The following CD80 variants were observed in gnomAD, a reference collection of about 807,000 sequenced individuals.
The protein encoded by CD80 is CD80 molecule, also known as T-lymphocyte activation antigen CD80.
In CD80, 13 loss-of-function variants were observed where a neutral mutation model predicts 27.1. The ratio of observed to expected loss-of-function variants is 0.48; its 90% confidence interval spans 0.31 to 0.76. The LOEUF is 0.76. CD80 is among the 30% of genes least tolerant of loss of function. CD80 has a pLI of 0.04. For synonymous variants in CD80, 125 were observed against 125.5 expected, an observed-to-expected ratio of 1.00 and a Z score of 0.03; for missense variants, 277 against 347.9, an observed-to-expected ratio of 0.80 and a Z score of 1.62.
In CD80 at chr3:119,527,782, G is replaced by A. The variant is rs145279608; in HGVS notation, c.856C>T (p.Arg286Cys). ...RNERLRRESVRPV is the reference protein window; with the variant it reads ...RNERLRRESVCPV Reference sequence around the variant, plus strand: ...TTCTGCGGACACTGTTATACAGGGCGTACACTTTCCCTTCTCAATCTCTCA... The same window carrying A: ...TTCTGCGGACACTGTTATACAGGGCATACACTTTCCCTTCTCAATCTCTCA... The change falls in exon 6 of 7, where the codon CGC (arginine) becomes TGC (cysteine). Residue 286 changes from arginine to cysteine, a missense_variant. Coordinates refer to ENST00000264246, the MANE Select transcript of CD80 (RefSeq NM_005191.4). 1.2e-5 allele frequency: 20 copies of A among 1,613,484 alleles called. No individual in the cohort carries two copies. The highest frequency in any genetic ancestry group is 2.2e-5 in the East Asian group (1 of 44,884).
chr3:119,553,655 A>T (rs1436841356), intron 2 of CD80, among the ~76,000 whole-genome samples: 1 of 152,216 alleles, frequency 6.6e-6, no homozygotes, highest in African/African-American at 2.4e-5. Context: ...TGGGAGCTGC[A>T]TCACCACTGC....
chr3:119,549,517 C>T (rs2082219921), intron 2 of CD80, among the ~76,000 whole-genome samples: 2 of 152,184 alleles, frequency 1.3e-5, no homozygotes, highest in Non-Finnish European at 2.9e-5. Flanking sequence ...TGGAGCCACA[C>T]AGATCCCCTT....
At chr3:119,537,626 AC>A (rs1247743587) in intron 3 of CD80, among the ~76,000 whole-genome samples, 1 of 152,036 alleles carries the variant, frequency 6.6e-6, no homozygotes, top group Non-Finnish European at 1.5e-5. Context: ...ACATGGCAAA[AC>A]CCCATCTCTA....
At chr3:119,532,588 A>G (rs1439148265) in intron 4 of CD80, among the ~76,000 whole-genome samples, 2 of 152,130 alleles carry the variant, frequency 1.3e-5, no homozygotes, top group Non-Finnish European at 2.9e-5. Context: ...TGAATTTACT[A>G]CCTGCTTTCC....
intron 2 of CD80, among the ~76,000 whole-genome samples, chr3:119,549,561 G>A (rs77945111): frequency 0.029 from 4,398 of 152,244 alleles, 118 homozygotes; most frequent in African/African-American, 0.067. Context: ...TCATTTCCAA[G>A]CCCTCTCTTT....
intron 2 of CD80, among the ~76,000 whole-genome samples, chr3:119,548,319 C>G (rs1458608251): frequency 6.6e-6 from 1 of 152,160 alleles, no homozygotes; most frequent in Non-Finnish European, 1.5e-5. Context: ...TATGGAAAGG[C>G]ACCTGCTTGT....
At chr3:119,544,481 A>G in intron 3 of CD80, 69 bp downstream of exon 3, 1 of 1,374,176 alleles carries the variant, frequency 7.3e-7, no homozygotes, top group Non-Finnish European at 1.0e-6. Flanking sequence ...CACCTAAATC[A>G]ATAGCCATGT....
chr3:119,538,830 G>C (rs2082152426), intron 3 of CD80, among the ~76,000 whole-genome samples: 1 of 152,172 alleles, frequency 6.6e-6, no homozygotes, highest in South Asian at 2.1e-4. Context: ...GGAAAATGCT[G>C]CCTAATTTAC....
At chr3:119,533,268 C>T (rs533532427) in intron 4 of CD80, among the ~76,000 whole-genome samples, 1 of 152,346 alleles carries the variant, frequency 6.6e-6, no homozygotes, top group African/African-American at 2.4e-5. Context: ...GGTGTGAGGG[C>T]ATCTGCACAT....
chr3:119,552,912 A>G (rs2082242021), intron 2 of CD80, among the ~76,000 whole-genome samples: 1 of 152,120 alleles, frequency 6.6e-6, no homozygotes, highest in African/African-American at 2.4e-5. Context: ...AGGCAAATTC[A>G]TAGAGACAGA....
At chr3:119,530,401 G>A (rs76101511) in intron 4 of CD80, among the ~76,000 whole-genome samples, 1 of 152,098 alleles carries the variant, frequency 6.6e-6, no homozygotes, top group Non-Finnish European at 1.5e-5. Context: ...CACAGTAGCT[G>A]CCCTAAAGCT....
chr3:119,559,520 C>T lies in CD80; in HGVS notation c.-281G>A, dbSNP rs991224961. On this transcript the variant is annotated 5_prime_UTR_variant, in exon 1 of 7. Coordinates refer to ENST00000264246, the MANE Select transcript of CD80 (RefSeq NM_005191.4). ...CCACTTCTGAGATGTTCTCTTCTTA[C>T]AGTCTATAAAGCAATGACAAATCAC... 2 of 152,238 alleles carry T rather than the reference C, an allele frequency of 1.3e-5. No individual in the cohort carries two copies. Among genetic ancestry groups the T allele is most frequent in the Non-Finnish European group, 2.9e-5 (2 of 68,044 alleles). The allele number at this position is 152,238 out of a possible 1,614,324, so 9.4% of individuals were successfully genotyped here.
chr3:119,550,234 A>T (rs1190433493), intron 2 of CD80, among the ~76,000 whole-genome samples: 1 of 152,174 alleles, frequency 6.6e-6, no homozygotes, highest in Non-Finnish European at 1.5e-5. Context: ...TGGGCCTCCC[A>T]ATAATAGGGT....
intron 3 of CD80, among the ~76,000 whole-genome samples, chr3:119,541,049 CAA>C (rs112578347): frequency 4.2e-5 from 6 of 141,352 alleles, no homozygotes; most frequent in Admixed American, 7.2e-5. Flanking sequence ...GACTCCATCT[CAA>C]AAAAAAAAAA....
chr3:119,537,143 T>C lies in CD80; in HGVS notation c.694A>G (p.Asn232Asp), dbSNP rs1392449631. 2.5e-6 allele frequency: 4 copies of C among 1,611,602 alleles called. No homozygotes were observed. Among genetic ancestry groups the C allele is most frequent in the Non-Finnish European group, 3.4e-6 (4 of 1,177,788 alleles). ...CCAGAACAATGTCACTTACTTGTAT[T>C]CCAGTTGAAGGTCTGATTCACTCTT... is the stretch of plus-strand genomic sequence containing the variant. ...HLRVNQTFNW[N>D]TTKQEHFPDN... The change falls in exon 4 of 7, where the codon AAT becomes GAT. Residue 232 changes from asparagine (N) to aspartate (D), a missense_variant. By Grantham distance (23) the Asn-to-Asp change is conservative. Transcript: ENST00000264246.
chr3:119,552,734 TA>T (rs1245948468), intron 2 of CD80, among the ~76,000 whole-genome samples: 1 of 151,984 alleles, frequency 6.6e-6, no homozygotes, highest in African/African-American at 2.4e-5. Flanking sequence ...TATTTGGCCG[TA>T]AAAGCGAATG....
At chr3:119,528,030 T>G (rs2082077661) in intron 5 of CD80, among the ~76,000 whole-genome samples, 189 bp from the exon 6 acceptor site, 1 of 152,184 alleles carries the variant, frequency 6.6e-6, no homozygotes, top group Admixed American at 6.5e-5. Flanking sequence ...TGCTTGGGGA[T>G]ATTTTTGATT....
intron 2 of CD80, among the ~76,000 whole-genome samples, chr3:119,554,516 C>T (rs1055007674): frequency 7.9e-5 from 12 of 152,152 alleles, no homozygotes; most frequent in Admixed American, 7.2e-4. Context: ...GGCGTTTCTG[C>T]CTCCATAGAC....
chr3:119,544,898 T>A (rs376720196), intron 2 of CD80, 31 bp from the exon 3 acceptor site: 6 of 1,571,190 alleles, frequency 3.8e-6, no homozygotes, highest in Non-Finnish European at 5.2e-6. Flanking sequence ...CAAGATTGTA[T>A]ATTTATTAAA....
Sources: allele counts gnomAD v4.1 joint callset (sites outside exome capture counted in the v4.1 genomes callset), GRCh38; gene constraint gnomAD v4.1.1; transcripts MANE v1.5; gene names NCBI Gene and HGNC (gene_info 2026-07-23, HGNC 2026-07-21).